Variants in NOL10 observed in about 807,000 individuals in gnomAD.
The protein encoded by NOL10 is nucleolar protein 10, also known as H_NH0074G24.1.
A neutral mutation model predicts 103.5 loss-of-function variants in NOL10; 58 were observed. The observed-to-expected ratio is 0.56, with a 90% CI of 0.45 to 0.70. The LOEUF (loss-of-function observed/expected upper bound fraction) is 0.70, where lower values mean the gene tolerates loss of function less well. Ranked by LOEUF, NOL10 falls within the 30% of genes least tolerant of loss-of-function variation. NOL10 has a pLI of 0.00. For missense variants in NOL10, 763 were observed against 807.3 expected (o/e 0.95, Z 0.67); for synonymous variants, 287 against 282.5 (o/e 1.02, Z -0.16).
chr2:10,636,308 A>G (rs1455643723), intron 13 of NOL10, among the ~76,000 whole-genome samples: 1 of 150,734 alleles, frequency 6.6e-6, no homozygotes, highest in Admixed American at 6.7e-5. Flanking sequence ...AGTGGCTTAC[A>G]CCTGTAATCC....
rs540255433 is a variant in NOL10 at position 10,689,685 on chromosome 2, G to A, written c.66+111C>T. ...CCTCTGGGCCTCCCCGAGTCGGGGG[G>A]TGACCAGCGTCCAGCTAAAACAGAG... On this transcript the variant is annotated intron_variant, in intron 1 of 20. Coordinates refer to ENST00000381685, the MANE Select transcript of NOL10 (RefSeq NM_024894.4). 2.0e-3 allele frequency: 2,223 copies of A among 1,102,198 alleles called. 3 individuals carry two copies. The highest frequency in any genetic ancestry group is 2.8e-3 in the Admixed American group (120 of 42,264). The allele number at this position is 1,102,198 out of a possible 1,614,324, so 68.3% of individuals were successfully genotyped here. A position where few individuals can be genotyped will look rare whatever the true frequency, so the allele number is the denominator to read the frequency against.
rs12692413 is a variant in NOL10 at position 10,595,588 on chromosome 2, G to T, written c.1422+5265C>A. Among the ~76,000 whole-genome samples the T allele has an allele frequency of 9.4e-3, 638 of 68,152 alleles. 15 individuals carry two copies. The highest frequency in any genetic ancestry group is 0.015 in the Non-Finnish European group (382 of 25,430). 44.7% of individuals were successfully genotyped at this position (68,152 alleles called of 152,430 possible). ...GATGGGATTACAGAAATGTTTTTTT[G>T]TTTTGTTTTGTTTTTGTTTGTTTGT... On this transcript the variant is annotated intron_variant, in intron 17 of 20. Transcript: ENST00000381685.
chr2:10,578,822 A>G (rs866196476), intron 19 of NOL10, among the ~76,000 whole-genome samples: 2 of 152,204 alleles, frequency 1.3e-5, no homozygotes, highest in African/African-American at 2.4e-5. Flanking sequence ...TATCCCCCTG[A>G]TAAGATTGAG....
At chr2:10,578,769 A>G (rs546757737) in intron 19 of NOL10, among the ~76,000 whole-genome samples, 2 of 152,366 alleles carry the variant, frequency 1.3e-5, no homozygotes, top group Admixed American at 6.5e-5. Context: ...AAGTTTAAAC[A>G]GTTACTCTAA....
intron 1 of NOL10, among the ~76,000 whole-genome samples, chr2:10,688,021 G>A (rs1157003982): frequency 6.6e-6 from 1 of 152,048 alleles, no homozygotes; most frequent in African/African-American, 2.4e-5. Context: ...CAGCACCACC[G>A]TGCACCCACT....
Position 10,577,649 on chromosome 2 carries a change from A to C in NOL10, c.1934T>G (p.Phe645Cys), listed in dbSNP as rs138862112. The change falls in exon 20 of 21, where the codon TTC (phenylalanine) becomes TGC (cysteine). Residue 645 changes from phenylalanine to cysteine, a missense_variant. Coordinates refer to ENST00000381685, the MANE Select transcript of NOL10 (RefSeq NM_024894.4). ...DTTVGSKQLTFTLKRSEQQKK... is the reference protein window; with the variant it reads ...DTTVGSKQLTCTLKRSEQQKK... Reference sequence around the variant, plus strand: ...AAGACAACTCACCCTCTTTAACGTGAATGTCAATTGTTTGCTGCCAACGGT... The same window carrying C: ...AAGACAACTCACCCTCTTTAACGTGCATGTCAATTGTTTGCTGCCAACGGT... The C allele has an allele frequency of 1.2e-5, 19 of 1,609,444 alleles. 1 individual carries two copies. Among genetic ancestry groups the C allele is most frequent in the African/African-American group, 6.7e-5 (5 of 74,860 alleles).
rs1052400059 is a variant in NOL10, at chr2:10,689,787, G to T, written c.66+9C>A. 1.9e-6 allele frequency: 3 copies of T among 1,599,234 alleles called. No individual in the cohort carries two copies. In the Admixed American group the frequency reaches 5.2e-5, roughly 28 times the overall value. On this transcript the variant is annotated intron_variant, in intron 1 of 20. Coordinates refer to ENST00000381685, the MANE Select transcript of NOL10 (RefSeq NM_024894.4). ...AGCTCGAGAGTGAGGGGGCCGGGAA[G>T]TGACTCACCTCAGGAAGGGACTTGC...
intron 13 of NOL10, among the ~76,000 whole-genome samples, chr2:10,641,999 C>T (rs1229676710): frequency 6.6e-6 from 1 of 152,222 alleles, no homozygotes; most frequent in Non-Finnish European, 1.5e-5. Context: ...CATGGACAGG[C>T]ACTTGCTGTC....
chr2:10,675,374 T>A (rs1479348318), intron 4 of NOL10, among the ~76,000 whole-genome samples: 3 of 151,926 alleles, frequency 2.0e-5, no homozygotes, highest in African/African-American at 7.3e-5. Context: ...CACAATCCTA[T>A]AACCACAACA....
chr2:10,586,669 T>C (rs1322186904), intron 19 of NOL10, among the ~76,000 whole-genome samples: 1 of 152,122 alleles, frequency 6.6e-6, no homozygotes, highest in Non-Finnish European at 1.5e-5. Context: ...CAATCCCTCC[T>C]CTTCTTCCTC....
At position 10,589,576 on chromosome 2, in the gene NOL10, ACTTTTTCACGAAGTT is replaced by A. The variant is rs1191104637; in HGVS notation, c.1583_1596+1del. 6.4e-7 allele frequency: 1 copy of A among 1,557,102 alleles called. No homozygotes were observed. Among genetic ancestry groups the A allele is most frequent in the Non-Finnish European group, 8.6e-7 (1 of 1,157,450 alleles). ...AATTCTAACTGATAAGGAGTACATT[ACTTTTTCACGAAGTT>A]CTTGTTGCTCTAAGAGTCTTAGTTT... On this transcript the variant is annotated splice_donor_variant and coding_sequence_variant, in exon 18 of 21. Transcript: ENST00000381685. LOFTEE classifies it high-confidence loss of function.
At chr2:10,595,114 T>G (rs1399813592) in intron 17 of NOL10, among the ~76,000 whole-genome samples, 2 of 113,834 alleles carry the variant, frequency 1.8e-5, no homozygotes, top group African/African-American at 6.8e-5. Context: ...GAGGTAGGAC[T>G]ACAGGCAAGA....
chr2:10,572,564 A>G (rs1209776297), intron 20 of NOL10, among the ~76,000 whole-genome samples: 1 of 152,206 alleles, frequency 6.6e-6, no homozygotes, highest in Non-Finnish European at 1.5e-5. Context: ...TAAGAAGATG[A>G]TATCACTTAG....
chr2:10,615,460 AAGGGCT>A, intron 13 of NOL10, among the ~76,000 whole-genome samples: 1 of 152,238 alleles, frequency 6.6e-6, no homozygotes, highest in African/African-American at 2.4e-5. Flanking sequence ...GCCTTCAGTC[AAGGGCT>A]AGCAGAGACA....
chr2:10,677,351 C>T (rs1317006181), intron 3 of NOL10, among the ~76,000 whole-genome samples: 3 of 150,746 alleles, frequency 2.0e-5, no homozygotes, highest in African/African-American at 4.9e-5. Flanking sequence ...GTATTTCCAA[C>T]AAAGACATCT....
chr2:10,636,719 C>G (rs1233638831), intron 13 of NOL10, among the ~76,000 whole-genome samples: 1 of 151,894 alleles, frequency 6.6e-6, no homozygotes, highest in Non-Finnish European at 1.5e-5. Flanking sequence ...GTTTCAAATA[C>G]TGAACTTGAA....
chr2:10,599,871 C>T (rs1675884660), intron 17 of NOL10, among the ~76,000 whole-genome samples: 1 of 152,042 alleles, frequency 6.6e-6, no homozygotes, highest in Non-Finnish European at 1.5e-5. Flanking sequence ...AGCAGTGTGC[C>T]AAGAGCTAGG....
chr2:10,580,826 G>A (rs1245645193), intron 19 of NOL10, among the ~76,000 whole-genome samples: 2 of 152,038 alleles, frequency 1.3e-5, no homozygotes, highest in Non-Finnish European at 2.9e-5. Flanking sequence ...GTGTGGGGGT[G>A]GAGGTCATAT....
At chr2:10,685,755 G>C (rs1366198274) in intron 1 of NOL10, among the ~76,000 whole-genome samples, 1 of 151,928 alleles carries the variant, frequency 6.6e-6, no homozygotes, top group African/African-American at 2.4e-5. Context: ...AGGTATAGCA[G>C]TAGTAAATAA....
Sources: allele counts gnomAD v4.1 joint callset (sites outside exome capture counted in the v4.1 genomes callset), GRCh38; gene constraint gnomAD v4.1.1; transcripts MANE v1.5; gene names NCBI Gene and HGNC (gene_info 2026-07-23, HGNC 2026-07-21).